The following PUDP variants were observed in gnomAD, a reference collection of about 807,000 sequenced individuals.
PUDP encodes the protein pseudouridine 5'-phosphatase.
PUDP carries 8 observed loss-of-function variants against 9.4 expected under a neutral mutation model. The ratio of observed to expected loss-of-function variants is 0.85; its 90% confidence interval spans 0.50 to 1.53. PUDP has a LOEUF of 1.53. Ranked by LOEUF, PUDP falls within the 40% of genes most tolerant of loss-of-function variation. The pLI, the probability that PUDP is intolerant of heterozygous loss-of-function variation, is 0.00. For synonymous variants in PUDP, 99 were observed against 80.7 expected (o/e 1.23, Z -1.22); for missense variants, 188 against 189.7 (o/e 0.99, Z 0.05).
At chrX:7,023,203 A>G (rs375417764) in intron 1 of PUDP, among the ~76,000 whole-genome samples, 4 of 112,121 alleles carry the variant, frequency 3.6e-5, no homozygotes, top group African/African-American at 1.3e-4. Flanking sequence ...AATGTTGCCA[A>G]TTGTCTCCAG....
At chrX:6,895,617 T>G (rs1433229149) in intron 3 of PUDP, among the ~76,000 whole-genome samples, 14 of 110,862 alleles carry the variant, frequency 1.3e-4, no homozygotes, top group South Asian at 3.8e-4. Context: ...TGAGTCAAAT[T>G]GCCAAACTCT....
chrX:7,119,959 T>C (rs1932295875), intron 1 of PUDP, among the ~76,000 whole-genome samples: 1 of 111,679 alleles, frequency 9.0e-6, no homozygotes, highest in Admixed American at 9.5e-5. Context: ...TACGAGAACA[T>C]ATGGATAAAG....
chrX:7,043,086 C>T (rs1423727417), intron 1 of PUDP, among the ~76,000 whole-genome samples: 1 of 111,803 alleles, frequency 8.9e-6, no homozygotes, highest in Non-Finnish European at 1.9e-5. Context: ...ACCCCCAGAA[C>T]TCTTAGAATA....
intron 3 of PUDP, among the ~76,000 whole-genome samples, chrX:6,814,270 TC>T (rs960876891): frequency 9.0e-6 from 1 of 111,169 alleles, no homozygotes; most frequent in African/African-American, 3.3e-5. Context: ...CAAATCTTTT[TC>T]TTCTATCTCT....
intron 1 of PUDP, among the ~76,000 whole-genome samples, chrX:7,039,167 C>T (rs1429299202): frequency 9.0e-6 from 1 of 110,877 alleles, no homozygotes; most frequent in Admixed American, 9.6e-5. Flanking sequence ...TTCAGCTCAG[C>T]GATCTTCTGC....
At chrX:7,003,532 A>G (rs1929358911) in intron 1 of PUDP, among the ~76,000 whole-genome samples, 1 of 112,438 alleles carries the variant, frequency 8.9e-6, no homozygotes, top group African/African-American at 3.2e-5. Context: ...TGATCAAAAA[A>G]TCCTTTTAAT....
chrX:6,934,061 G>A (rs1928252519), intron 3 of PUDP, among the ~76,000 whole-genome samples: 1 of 98,614 alleles, frequency 1.0e-5, no homozygotes, highest in Admixed American at 1.2e-4. Flanking sequence ...ACACTCTGCA[G>A]GGTATTATCC....
chrX:6,789,239 G>A (rs1020708704), intron 3 of PUDP, among the ~76,000 whole-genome samples: 1 of 110,349 alleles, frequency 9.1e-6, no homozygotes, highest in African/African-American at 3.3e-5. Flanking sequence ...GCAGTGAGCC[G>A]ACATTGCACG....
chrX:7,125,022 A>T (rs1259379769), intron 1 of PUDP, among the ~76,000 whole-genome samples: 2 of 19,759 alleles, frequency 1.0e-4, no homozygotes, highest in East Asian at 1.2e-3. Flanking sequence ...CAAACATATT[A>T]AAAAAAAACA....
At chrX:7,105,574 G>T (rs748677365) in intron 2 of PUDP, 46 bp downstream of exon 2, 21 of 964,429 alleles carry the variant, frequency 2.2e-5, no homozygotes, top group Non-Finnish European at 2.9e-5. Flanking sequence ...CAAAACCATT[G>T]CTAATAGTCA....
At chrX:6,915,042 T>C (rs1398334094) in intron 3 of PUDP, among the ~76,000 whole-genome samples, 4 of 112,321 alleles carry the variant, frequency 3.6e-5, no homozygotes, top group African/African-American at 1.3e-4. Context: ...TTTTAAAAAA[T>C]GTCATTCAAA....
At chrX:6,787,915 T>C (rs1419346792) in intron 3 of PUDP, among the ~76,000 whole-genome samples, 1 of 112,574 alleles carries the variant, frequency 8.9e-6, no homozygotes, top group Non-Finnish European at 1.9e-5. Flanking sequence ...TGTAATTTTG[T>C]TCCCAAAGCC....
At chrX:6,748,144 G>A (rs1386970581) in intron 3 of PUDP, among the ~76,000 whole-genome samples, 1 of 111,638 alleles carries the variant, frequency 9.0e-6, no homozygotes, top group Non-Finnish European at 1.9e-5. Context: ...GAATAAAGAT[G>A]CCATTCATGG....
At chrX:6,709,980 G>A (rs761388067) in intron 1 of PUDP, among the ~76,000 whole-genome samples, 5 of 110,966 alleles carry the variant, frequency 4.5e-5, no homozygotes, top group South Asian at 3.9e-4. Context: ...AAAATTAGCC[G>A]GGCGTGGTGG....
At chrX:6,776,316 G>A (rs1384937717) in intron 3 of PUDP, among the ~76,000 whole-genome samples, 1 of 109,818 alleles carries the variant, frequency 9.1e-6, no homozygotes, top group East Asian at 2.9e-4. Context: ...CAAATCACTT[G>A]AGGGCAGGAG....
intron 2 of PUDP, among the ~76,000 whole-genome samples, chrX:7,101,203 C>T (rs1313354976): frequency 8.1e-5 from 9 of 111,471 alleles, no homozygotes; most frequent in African/African-American, 2.0e-4. Flanking sequence ...CGCAACTGAG[C>T]GGCTAGTAAA....
chrX:7,074,620 T>A (rs1024525495), intron 3 of PUDP, among the ~76,000 whole-genome samples: 7 of 112,361 alleles, frequency 6.2e-5, no homozygotes, highest in African/African-American at 2.3e-4. Context: ...TGCAGCACCT[T>A]CACTTTTCTA....
chrX:7,102,018 T>A (rs1320966141), intron 2 of PUDP, among the ~76,000 whole-genome samples: 1 of 109,625 alleles, frequency 9.1e-6, no homozygotes. Flanking sequence ...ACATAGAAAA[T>A]CTGAACAGAT....
At chrX:6,780,665 G>A (rs1233070829) in intron 3 of PUDP, among the ~76,000 whole-genome samples, 1 of 111,443 alleles carries the variant, frequency 9.0e-6, no homozygotes, top group African/African-American at 3.3e-5. Context: ...CTCATTAGAT[G>A]CATGATGGCG....
Sources: gnomAD v4.1 joint callset for allele counts (sites outside exome capture counted in the v4.1 genomes callset) on GRCh38, gnomAD v4.1.1 for gene constraint, MANE v1.5 for transcripts, NCBI Gene and HGNC (gene_info 2026-07-23, HGNC 2026-07-21) for gene names.